The following TXLNB variants were observed in gnomAD, a reference collection of about 807,000 sequenced individuals.
TXLNB encodes beta-taxilin.
In TXLNB, 37 loss-of-function variants were observed where a neutral mutation model predicts 57.4. That is an observed-to-expected ratio of 0.64 (90% CI 0.50 to 0.85). TXLNB has a LOEUF of 0.85. Ranked by LOEUF, TXLNB falls within the 40% of genes least tolerant of loss-of-function variation. TXLNB has a pLI of 0.00. For synonymous variants in TXLNB, 302 were observed against 309.6 expected (o/e 0.98, Z 0.26); for missense variants, 848 against 825.6 (o/e 1.03, Z -0.33).
chr6:139,270,158 G>T (rs1034698144), intron 4 of TXLNB, among the ~76,000 whole-genome samples: 2 of 152,130 alleles, frequency 1.3e-5, no homozygotes, highest in Admixed American at 1.3e-4. Context: ...AAGGGGAATG[G>T]TATGCATTTT....
chr6:139,170,463 C>T, the TXLNB span: 3 of 152,110 alleles, frequency 2.0e-5, no homozygotes, highest in Non-Finnish European at 2.9e-5. Context: ...TGGCTTGGTT[C>T]GTAAAAAGAG....
At chr6:139,185,504 A>G in the TXLNB span, among the ~76,000 whole-genome samples, 5 of 152,286 alleles carry the variant, frequency 3.3e-5, 1 homozygote, top group East Asian at 7.7e-4. Context: ...GATCGAGACC[A>G]TCCTGGCTAA....
the TXLNB span, among the ~76,000 whole-genome samples, chr6:139,173,315 A>G: frequency 1.5e-4 from 23 of 152,294 alleles, no homozygotes; most frequent in Non-Finnish European, 4.4e-5. Flanking sequence ...CATCCCAGAC[A>G]CTGTGCTAGT....
intron 2 of TXLNB, among the ~76,000 whole-genome samples, chr6:139,281,539 C>CTTTT (rs745650982): frequency 1.0e-4 from 6 of 57,488 alleles, no homozygotes; most frequent in Non-Finnish European, 1.8e-4. Flanking sequence ...ATCTGGAGTT[C>CTTTT]TTTTTTTTTT....
chr6:139,262,545 T>G (rs780732017), intron 5 of TXLNB, 34 bp downstream of exon 5: 11 of 1,565,472 alleles, frequency 7.0e-6, no homozygotes, highest in Non-Finnish European at 9.5e-6. Context: ...TCCGGATCTA[T>G]GTACTGTTCT....
At chr6:139,301,630 C>T in the TXLNB span, among the ~76,000 whole-genome samples, 2 of 152,178 alleles carry the variant, frequency 1.3e-5, no homozygotes, top group Non-Finnish European at 2.9e-5. Flanking sequence ...TTGGAATCAT[C>T]AGAGTCCTCA....
At chr6:139,301,297 A>C in the TXLNB span, among the ~76,000 whole-genome samples, 1 of 152,092 alleles carries the variant, frequency 6.6e-6, no homozygotes, top group African/African-American at 2.4e-5. Context: ...ATTGCAGGGA[A>C]ATTTTCTTGG....
At chr6:139,253,583 T>C (rs1776262962) in intron 7 of TXLNB, among the ~76,000 whole-genome samples, 1 of 152,202 alleles carries the variant, frequency 6.6e-6, no homozygotes, top group African/African-American at 2.4e-5. Context: ...GCCAGGACTC[T>C]GACCTGGTGC....
the TXLNB span, among the ~76,000 whole-genome samples, chr6:139,172,697 G>A: frequency 2.6e-5 from 4 of 152,192 alleles, no homozygotes; most frequent in African/African-American, 4.8e-5. Context: ...GTTCCAGTGA[G>A]TTTGCCTGTA....
the TXLNB span, chr6:139,169,857 C>G: frequency 6.6e-6 from 1 of 152,148 alleles, no homozygotes; most frequent in African/African-American, 2.4e-5. Context: ...TAAGTCTAGC[C>G]CAGGTTCAGA....
At chr6:139,244,102 A>C (rs930431499) in intron 9 of TXLNB, among the ~76,000 whole-genome samples, 3 of 152,306 alleles carry the variant, frequency 2.0e-5, no homozygotes, top group African/African-American at 7.2e-5. Flanking sequence ...GGAGCCTGGC[A>C]TGAGATCAGT....
Position 139,241,525 on chromosome 6 carries a change from A to G in TXLNB, c.*1001T>C, listed in dbSNP as rs1210933121. The G allele has an allele frequency of 6.6e-6, 1 of 152,212 alleles. No individual in the cohort carries two copies. Among genetic ancestry groups the G allele is most frequent in the African/African-American group, 2.4e-5 (1 of 41,436 alleles). 9.4% of individuals were successfully genotyped at this position (152,212 alleles called of 1,614,324 possible). A position where few individuals can be genotyped will look rare whatever the true frequency, so the allele number is the denominator to read the frequency against. ...TTAGTGTGAGGTCCCTTAACCCCTCAATCCCTAGCTCCCCTTTCCCACTTC... is the reference window on the plus strand; with the variant it reads ...TTAGTGTGAGGTCCCTTAACCCCTCGATCCCTAGCTCCCCTTTCCCACTTC... On this transcript the variant is annotated 3_prime_UTR_variant, in exon 10 of 10. Transcript: ENST00000358430.
intron 8 of TXLNB, 148 bp downstream of exon 8, chr6:139,247,668 TA>T: frequency 2.3e-6 from 1 of 437,998 alleles, no homozygotes; most frequent in Non-Finnish European, 4.0e-6. Context: ...AATTAAAAAA[TA>T]CAGCCCAAAC....
At chr6:139,233,089 A>C in the TXLNB span, among the ~76,000 whole-genome samples, 8 of 152,026 alleles carry the variant, frequency 5.3e-5, no homozygotes, top group Non-Finnish European at 8.8e-5. Context: ...ATAAAATTTT[A>C]CTACACAATG....
intron 6 of TXLNB, among the ~76,000 whole-genome samples, chr6:139,257,459 T>C (rs1776374188): frequency 6.6e-6 from 1 of 152,204 alleles, no homozygotes; most frequent in Non-Finnish European, 1.5e-5. Flanking sequence ...CAAGTGCAAT[T>C]GGAAAGAAAA....
chr6:139,280,831 T>G (rs867003996), intron 2 of TXLNB, among the ~76,000 whole-genome samples: 11 of 152,194 alleles, frequency 7.2e-5, no homozygotes, highest in Middle Eastern at 3.2e-3. Flanking sequence ...TAGATTTATA[T>G]TTCACTGTTA....
At chr6:139,214,508 C>G in the TXLNB span, among the ~76,000 whole-genome samples, 1 of 152,064 alleles carries the variant, frequency 6.6e-6, no homozygotes, top group Non-Finnish European at 1.5e-5. Context: ...TATGACAAAC[C>G]CATAGCCAAT....
chr6:139,230,215 T>C, the TXLNB span, among the ~76,000 whole-genome samples: 2 of 152,220 alleles, frequency 1.3e-5, no homozygotes, highest in East Asian at 1.9e-4. Context: ...CCTACAACTA[T>C]ATAGCTAGTC....
At chr6:139,208,079 C>CA in the TXLNB span, among the ~76,000 whole-genome samples, 26 of 143,172 alleles carry the variant, frequency 1.8e-4, no homozygotes, top group East Asian at 4.0e-4. Flanking sequence ...CAGTCTCAAA[C>CA]AAAAAAAAAG....
Sources: gnomAD v4.1 joint callset for allele counts (sites outside exome capture counted in the v4.1 genomes callset) on GRCh38, gnomAD v4.1.1 for gene constraint, MANE v1.5 for transcripts, NCBI Gene and HGNC (gene_info 2026-07-23, HGNC 2026-07-21) for gene names.